The following TAAR5 variants were observed in gnomAD, a reference collection of about 807,000 sequenced individuals.
The protein encoded by TAAR5 is trace amine associated receptor 5, also known as trace amine-associated receptor 5.
In TAAR5, 27 loss-of-function variants were observed where a neutral mutation model predicts 21.1. The observed-to-expected ratio is 1.28, with a 90% CI of 0.94 to 1.76. TAAR5 has a LOEUF of 1.76. Ranked by LOEUF, TAAR5 falls within the 40% of genes most tolerant of loss-of-function variation. The probability of loss-of-function intolerance (pLI) is 0.00; values close to 1 mark genes in which losing one functional copy is unlikely to be tolerated. For synonymous variants in TAAR5, 203 were observed against 167.5 expected (o/e 1.21, Z -1.64); for missense variants, 495 against 405.6 (o/e 1.22, Z -1.89).
chr6:132,607,051 C>T, the TAAR5 span, among the ~76,000 whole-genome samples: 1 of 151,834 alleles, frequency 6.6e-6, no homozygotes, highest in Non-Finnish European at 1.5e-5. Context: ...AAAAGGTTGC[C>T]GGGTGTGATG....
chr6:132,611,310 G>A, the TAAR5 span, among the ~76,000 whole-genome samples: 1 of 151,548 alleles, frequency 6.6e-6, no homozygotes, highest in African/African-American at 2.4e-5. Context: ...GATAAGGAGG[G>A]AATGGTTAAT....
upstream of TAAR5, chr6:132,594,612 G>T (rs1266628324): frequency 1.3e-5 from 2 of 152,190 alleles, no homozygotes; most frequent in African/African-American, 4.8e-5. Flanking sequence ...ACAAAGAAGG[G>T]CAGCCAGCAC....
chr6:132,601,143 AGGAG>A, the TAAR5 span, among the ~76,000 whole-genome samples: 120 of 135,786 alleles, frequency 8.8e-4, no homozygotes, highest in African/African-American at 2.0e-3. Context: ...GAAGGAAGGA[AGGAG>A]GGAAGGAGGG....
chr6:132,589,438 C>T lies in TAAR5; in HGVS notation c.249G>A (p.Leu83=). The T allele has an allele frequency of 1.2e-6, 2 of 1,613,932 alleles. No individual in the cohort carries two copies. Among genetic ancestry groups the T allele is most frequent in the Non-Finnish European group, 1.7e-6 (2 of 1,179,888 alleles). ...TGCTGAGGGGCAGCACCAGCAGACC[C>T]AGAAACATGTCAGCCAGGGCCAGGG... ...LLSLALADMF[L]GLLVLPLSTI... Residue 83 remains leucine (L), a synonymous_variant, in exon 1 of 1, where the codon CTG becomes CTA. Transcript: ENST00000258034.
chr6:132,614,355 T>C, the TAAR5 span, among the ~76,000 whole-genome samples: 4 of 152,236 alleles, frequency 2.6e-5, no homozygotes, highest in Non-Finnish European at 5.9e-5. Context: ...TTTACCAACC[T>C]TGTCAAATGA....
chr6:132,589,615 G>A lies in TAAR5; in HGVS notation c.72C>T (p.Cys24=), dbSNP rs759421546. The change falls in exon 1 of 1, where the codon TGC becomes TGT. Residue 24 remains cysteine (C), a synonymous_variant. Coordinates refer to ENST00000258034, the MANE Select transcript of TAAR5 (RefSeq NM_003967.3). ...AAFCYQVNGS[C]PRTVHTLGIQ... ...TGCCCAGAGTATGTACTGTCCTGGG[G>A]CAAGACCCATTCACCTGGTAGCAGA... 6.2e-7 allele frequency: 1 copy of A among 1,613,738 alleles called. No homozygotes were observed. Among genetic ancestry groups the A allele is most frequent in the Non-Finnish European group, 8.5e-7 (1 of 1,179,862 alleles).
the TAAR5 span, among the ~76,000 whole-genome samples, chr6:132,616,066 T>C: frequency 1.3e-5 from 2 of 152,188 alleles, no homozygotes; most frequent in African/African-American, 4.8e-5. Flanking sequence ...CCATGATTAT[T>C]TTCAAGAGAA....
At chr6:132,607,130 G>A in the TAAR5 span, among the ~76,000 whole-genome samples, 1 of 152,162 alleles carries the variant, frequency 6.6e-6, no homozygotes, top group Non-Finnish European at 1.5e-5. Flanking sequence ...AGGAGGCAGA[G>A]GTTGCAGTGA....
the TAAR5 span, chr6:132,608,544 G>T: frequency 6.6e-6 from 3 of 455,348 alleles, no homozygotes; most frequent in Non-Finnish European, 1.3e-5. Context: ...TCTTGGATAG[G>T]TGTTTTTTCA....
Position 132,588,749 on chromosome 6 carries a change from C to T in TAAR5, c.938G>A (p.Arg313Gln), listed in dbSNP as rs142497144. 2,677 of 1,613,894 alleles carry T rather than the reference C, an allele frequency of 1.7e-3. 3 individuals are homozygous for T. The highest frequency in any genetic ancestry group is 3.0e-3 in the Admixed American group (181 of 59,998). ...GCTCAGTGTGAGTTTCAGTGCCTTC[C>T]GAAACCACTGGTAGGAAAAGACATA... ...IIYVFSYQWFRKALKLTLSQK... is the reference protein window; with the variant it reads ...IIYVFSYQWFQKALKLTLSQK... Residue 313 changes from arginine to glutamine, a missense_variant, in exon 1 of 1, where the codon CGG becomes CAG. Coordinates refer to ENST00000258034, the MANE Select transcript of TAAR5 (RefSeq NM_003967.3).
upstream of TAAR5, among the ~76,000 whole-genome samples, chr6:132,593,568 A>G (rs933390524): frequency 6.6e-6 from 1 of 152,166 alleles, no homozygotes; most frequent in South Asian, 2.1e-4. Flanking sequence ...GGCCTAGCCT[A>G]GGAAGAGCAT....
chr6:132,611,314 G>A, the TAAR5 span, among the ~76,000 whole-genome samples: 4 of 151,134 alleles, frequency 2.6e-5, no homozygotes, highest in South Asian at 2.1e-4. Flanking sequence ...AGGAGGGAAT[G>A]GTTAATAGGT....
At chr6:132,590,965 G>T (rs147692493), upstream of TAAR5, among the ~76,000 whole-genome samples, 32 of 152,156 alleles carry the variant, frequency 2.1e-4, no homozygotes, top group African/African-American at 5.3e-4. Flanking sequence ...ATTGATCATG[G>T]GTTTTTTGGT....
the TAAR5 span, among the ~76,000 whole-genome samples, chr6:132,599,131 G>A: frequency 2.3e-3 from 357 of 152,178 alleles, 4 homozygotes; most frequent in African/African-American, 8.4e-3. Flanking sequence ...AACACAATTG[G>A]ATGAAAAGGG....
At chr6:132,608,343 A>T in the TAAR5 span, 3 of 455,870 alleles carry the variant, frequency 6.6e-6, no homozygotes, top group Admixed American at 2.4e-5. Context: ...ACCATGGATT[A>T]AAAAAGCCAT....
At chr6:132,611,033 A>G in the TAAR5 span, among the ~76,000 whole-genome samples, 1 of 152,230 alleles carries the variant, frequency 6.6e-6, no homozygotes, top group East Asian at 1.9e-4. Flanking sequence ...GATTCTATGA[A>G]TGGTACTTGC....
chr6:132,601,959 T>C, the TAAR5 span, among the ~76,000 whole-genome samples: 1 of 152,214 alleles, frequency 6.6e-6, no homozygotes, highest in Middle Eastern at 3.2e-3. Flanking sequence ...TATTTTTTAG[T>C]GTGTAGACTT....
At chr6:132,608,060 G>T in the TAAR5 span, among the ~76,000 whole-genome samples, 1 of 152,202 alleles carries the variant, frequency 6.6e-6, no homozygotes, top group African/African-American at 2.4e-5. Context: ...AAATAATTGA[G>T]TAATTGATTT....
chr6:132,590,599 ATTAG>A (rs1010486264), upstream of TAAR5, among the ~76,000 whole-genome samples: 5 of 152,180 alleles, frequency 3.3e-5, no homozygotes, highest in African/African-American at 1.2e-4. Context: ...CAGGTGTGCA[ATTAG>A]TTAACGATTT....
Sources: gnomAD v4.1 joint callset for allele counts (sites outside exome capture counted in the v4.1 genomes callset) on GRCh38, gnomAD v4.1.1 for gene constraint, MANE v1.5 for transcripts, NCBI Gene and HGNC (gene_info 2026-07-23, HGNC 2026-07-21) for gene names.